DNAH12: variants seen among roughly 807,000 people sequenced by gnomAD.
The protein encoded by DNAH12 is axonemal beta dynein heavy chain 12.
Under a neutral mutation model 371.5 loss-of-function variants are expected in DNAH12, and 285 were observed. The ratio of observed to expected loss-of-function variants is 0.77; its 90% CI spans 0.70 to 0.85. The LOEUF (loss-of-function observed/expected upper bound fraction) is 0.85, where lower values mean the gene tolerates loss of function less well. Among genes scored for constraint, DNAH12 ranks in the 40% least tolerant of loss-of-function variants. The pLI is 0.00. For missense variants in DNAH12, 3,611 were observed against 3,689.4 expected, an observed-to-expected ratio of 0.98 and a Z score of 0.55; for synonymous variants, 1,200 against 1,213.0, an observed-to-expected ratio of 0.99 and a Z score of 0.22.
chr3:57,356,197 T>C (rs1214728406), intron 59 of DNAH12, among the ~76,000 whole-genome samples: 5 of 152,074 alleles, frequency 3.3e-5, no homozygotes, highest in African/African-American at 1.2e-4. Flanking sequence ...ATCTCAGCAC[T>C]TAGGGATGCT....
chr3:57,302,251 T>G (rs1053005108), intron 69 of DNAH12, among the ~76,000 whole-genome samples: 3 of 152,088 alleles, frequency 2.0e-5, no homozygotes, highest in African/African-American at 4.8e-5. Context: ...AAATATTAGG[T>G]AAGTAATATT....
At chr3:57,550,336 A>ACAAAG in the DNAH12 span, among the ~76,000 whole-genome samples, 1 of 152,202 alleles carries the variant, frequency 6.6e-6, no homozygotes, top group Middle Eastern at 3.4e-3. Flanking sequence ...ACAAAACAAA[A>ACAAAG]CAAACAATGA....
In DNAH12 at chr3:57,323,489, G is replaced by A; in HGVS notation, c.10109C>T (p.Pro3370Leu). ...CTIPLIFVLS[P>L]GADPMASLLK... ...CTTACTGGCCATAGGATCTGCTCCT[G>A]GAGATAGAACAAAAATTAAGGGAAT... Residue 3370 changes from proline (P) to leucine (L), a missense_variant, in exon 63 of 74, where the codon CCA becomes CTA. Physicochemically the swap from Pro to Leu is moderately conservative, Grantham distance 98. Around this residue, in one of 3 missense-constraint regions of DNAH12, gnomAD observed 2,266 missense variants for 2,236.9 expected, o/e 1.01. Coordinates refer to ENST00000495027, the MANE Select transcript of DNAH12 (RefSeq NM_001366028.2). 6 of 1,549,594 alleles carry A rather than the reference G, an allele frequency of 3.9e-6. No homozygotes were observed. Among genetic ancestry groups the A allele is most frequent in the Non-Finnish European group, 5.2e-6 (6 of 1,146,452 alleles).
In DNAH12 at chr3:57,444,915, C is replaced by A. The variant is rs887920634; in HGVS notation, c.4426-99G>T. 12 of 1,414,000 alleles carry A rather than the reference C, an allele frequency of 8.5e-6. No individual in the cohort carries two copies. In the East Asian group the frequency reaches 2.3e-4, roughly 27 times the overall value. 87.6% of individuals were successfully genotyped at this position (1,414,000 alleles called of 1,614,324 possible). On this transcript the variant is annotated intron_variant, in intron 28 of 73. Coordinates refer to ENST00000495027, the MANE Select transcript of DNAH12 (RefSeq NM_001366028.2). ...GCCCCGGCCTGCCCCACCCCACCCC[C>A]CTGGCTAAAAGTCAAAGTTTATTTT...
At chr3:57,295,103 G>A (rs1029774736) in intron 73 of DNAH12, among the ~76,000 whole-genome samples, 1 of 152,158 alleles carries the variant, frequency 6.6e-6, no homozygotes, top group Non-Finnish European at 1.5e-5. Flanking sequence ...TATGCCTTGG[G>A]GGACCTGGCT....
chr3:57,354,299 C>T (rs2062746531), intron 59 of DNAH12, among the ~76,000 whole-genome samples: 4 of 152,132 alleles, frequency 2.6e-5, no homozygotes, highest in East Asian at 3.9e-4. Flanking sequence ...ACACTGAGTA[C>T]ACATGGACAC....
intron 34 of DNAH12, 30 bp downstream of exon 34, chr3:57,428,603 C>A (rs11915740): frequency 0.4 from 597,602 of 1,510,268 alleles, 124,691 homozygotes; most frequent in Non-Finnish European, 0.43. Flanking sequence ...AACAAAGAAA[C>A]TTGAATAGGT....
At chr3:57,411,293 C>T (rs987996183) in intron 39 of DNAH12, among the ~76,000 whole-genome samples, 3 of 151,604 alleles carry the variant, frequency 2.0e-5, no homozygotes, top group Non-Finnish European at 4.4e-5. Flanking sequence ...TTTGGGAGGC[C>T]GAGGAAGGTG....
intron 4 of DNAH12, among the ~76,000 whole-genome samples, chr3:57,519,400 T>A (rs1408984184): frequency 1.3e-5 from 2 of 152,190 alleles, no homozygotes; most frequent in African/African-American, 4.8e-5. Context: ...TCTCCTTTTT[T>A]ATAGCACTCC....
At chr3:57,445,701 A>G (rs2153370444) in intron 27 of DNAH12, among the ~76,000 whole-genome samples, 1 of 152,254 alleles carries the variant, frequency 6.6e-6, no homozygotes, top group East Asian at 1.9e-4. Context: ...ACACTCAAAA[A>G]ATATTGGCTG....
At chr3:57,310,615 C>A in intron 67 of DNAH12, 102 bp downstream of exon 67, 3 of 789,978 alleles carry the variant, frequency 3.8e-6, no homozygotes, top group Non-Finnish European at 5.9e-6. Context: ...TGATTAAAAC[C>A]ATAATATTTG....
At chr3:57,495,641 T>C (rs2067286998) in intron 11 of DNAH12, among the ~76,000 whole-genome samples, 2 of 146,332 alleles carry the variant, frequency 1.4e-5, no homozygotes, top group African/African-American at 2.5e-5. Context: ...TTTTATGTAT[T>C]TATATAATAT....
intron 34 of DNAH12, chr3:57,428,354 T>G: frequency 3.2e-6 from 4 of 1,264,630 alleles, no homozygotes; most frequent in Non-Finnish European, 4.2e-6. Flanking sequence ...GTACATTGAG[T>G]TTTTAGAGGC....
intron 34 of DNAH12, 70 bp downstream of exon 34, chr3:57,428,563 G>A (rs999831214): frequency 6.6e-7 from 1 of 1,512,370 alleles, no homozygotes; most frequent in South Asian, 1.3e-5. Flanking sequence ...ACCAACCACT[G>A]TGACTTTAGA....
At chr3:57,350,436 T>C (rs550213358) in intron 60 of DNAH12, among the ~76,000 whole-genome samples, 2 of 152,158 alleles carry the variant, frequency 1.3e-5, no homozygotes, top group South Asian at 4.1e-4. Flanking sequence ...TACAGAGCAG[T>C]AGGGAAAAGG....
At chr3:57,319,375 C>A (rs886289796) in intron 65 of DNAH12, among the ~76,000 whole-genome samples, 34 of 152,086 alleles carry the variant, frequency 2.2e-4, no homozygotes, top group African/African-American at 7.7e-4. Context: ...CTTTTTCTTG[C>A]CTAATTGTTC....
At chr3:57,435,497 C>A (rs4481124) in intron 30 of DNAH12, among the ~76,000 whole-genome samples, 97,545 of 151,786 alleles carry the variant, frequency 0.64, 31,566 homozygotes, top group South Asian at 0.78. Flanking sequence ...AGGATACTTC[C>A]AGGAAATTTT....
intron 45 of DNAH12, among the ~76,000 whole-genome samples, chr3:57,389,258 A>C (rs2153346307): frequency 6.6e-6 from 1 of 151,604 alleles, no homozygotes; most frequent in African/African-American, 2.4e-5. Context: ...ACAGAGGCTT[A>C]TATTTATGTT....
At chr3:57,389,798 ATGTGTG>A (rs1211815764) in intron 45 of DNAH12, among the ~76,000 whole-genome samples, 1,009 of 92,546 alleles carry the variant, frequency 0.011, 20 homozygotes, top group African/African-American at 0.032. Flanking sequence ...ATATACACAT[ATGTGTG>A]TGTGTGTGTG....
Sources: allele counts gnomAD v4.1 joint callset (sites outside exome capture counted in the v4.1 genomes callset), GRCh38; gene constraint gnomAD v4.1.1; regional missense constraint gnomAD v4.1.1; transcripts MANE v1.5; gene names NCBI Gene and HGNC (gene_info 2026-07-23, HGNC 2026-07-21).